Variants in DMD observed in about 807,000 individuals in gnomAD.
The protein encoded by DMD is dystrophin, also known as mutant dystrophin.
Under a neutral mutation model 330.1 loss-of-function variants are expected in DMD, and 63 were observed. The ratio of observed to expected loss-of-function variants is 0.19; its 90% CI spans 0.16 to 0.24. The LOEUF is 0.24. DMD is among the 10% of genes least tolerant of loss of function. The probability of loss-of-function intolerance (pLI) is 1.00; values close to 1 mark genes in which losing one functional copy is unlikely to be tolerated. For synonymous variants in DMD, 1,223 were observed against 959.8 expected (o/e 1.27, Z -5.07); for missense variants, 3,344 against 2,684.1 (o/e 1.25, Z -5.43).
At chrX:31,545,178 C>G (rs776930143) in intron 55 of DMD, among the ~76,000 whole-genome samples, 1 of 112,076 alleles carries the variant, frequency 8.9e-6, no homozygotes, top group East Asian at 2.8e-4. Flanking sequence ...AAGTGATGGT[C>G]ACATCTTGCT....
intron 47 of DMD, among the ~76,000 whole-genome samples, chrX:31,913,621 A>G (rs920914634): frequency 2.7e-5 from 3 of 111,600 alleles, no homozygotes; most frequent in Admixed American, 9.5e-5. Flanking sequence ...ATTAGCAGAG[A>G]TAGTGGCCTC....
Position 32,697,019 on chromosome X carries a change from G to A in DMD, c.960+851C>T, listed in dbSNP as rs1235292463. Among the ~76,000 whole-genome samples, 4 of 111,724 alleles carry A rather than the reference G, an allele frequency of 3.6e-5. No homozygotes were observed. The Admixed American group carries it at 3.8e-4, about 11-fold the overall frequency. ...AATGTACACATTTTTTAGCCGATAG[G>A]ATCAGGTCTATCATTTTTAAACTCC... On this transcript the variant is annotated intron_variant, in intron 9 of 78. Transcript: ENST00000357033.
intron 60 of DMD, among the ~76,000 whole-genome samples, chrX:31,371,927 G>A (rs952594424): frequency 1.8e-5 from 2 of 112,124 alleles, no homozygotes; most frequent in African/African-American, 3.2e-5. Flanking sequence ...CACTTAACTC[G>A]CTAAGTTTCT....
intron 60 of DMD, among the ~76,000 whole-genome samples, chrX:31,438,189 CAG>C (rs1386854634): frequency 9.0e-6 from 1 of 111,616 alleles, no homozygotes; most frequent in Non-Finnish European, 1.9e-5. Context: ...TCCTCCAACA[CAG>C]AGTTTTTGGG....
chrX:32,908,466 C>T (rs1308219475), intron 2 of DMD, among the ~76,000 whole-genome samples: 6 of 112,013 alleles, frequency 5.4e-5, no homozygotes, highest in South Asian at 3.7e-4. Flanking sequence ...AACATTTGAA[C>T]GTAAAACGGA....
chrX:31,751,080 T>C (rs1442513416), intron 51 of DMD, among the ~76,000 whole-genome samples: 1 of 107,291 alleles, frequency 9.3e-6, no homozygotes, highest in East Asian at 3.0e-4. Flanking sequence ...CCCAAGGTAA[T>C]TTACAGATTC....
intron 44 of DMD, among the ~76,000 whole-genome samples, chrX:32,210,202 G>A (rs2097088420): frequency 8.9e-6 from 1 of 112,073 alleles, no homozygotes; most frequent in Non-Finnish European, 1.9e-5. Context: ...TAACCTTAAA[G>A]TAAGTGACTA....
intron 45 of DMD, among the ~76,000 whole-genome samples, chrX:31,936,093 T>A (rs1290141310): frequency 9.0e-6 from 1 of 111,322 alleles, no homozygotes; most frequent in Non-Finnish European, 1.9e-5. Flanking sequence ...AAAACTTGAT[T>A]TTTTAAGATC....
chrX:31,144,822 T>A (rs1261557500), intron 76 of DMD, among the ~76,000 whole-genome samples: 1 of 111,353 alleles, frequency 9.0e-6, no homozygotes, highest in African/African-American at 3.3e-5. Context: ...GGGGACCAAG[T>A]ATTTGTGGCC....
intron 1 of DMD, among the ~76,000 whole-genome samples, chrX:33,209,765 A>T (rs1423059242): frequency 9.0e-6 from 1 of 111,224 alleles, no homozygotes; most frequent in Non-Finnish European, 1.9e-5. Flanking sequence ...TCCCAAAAAG[A>T]TTACCTTTCT....
intron 1 of DMD, among the ~76,000 whole-genome samples, chrX:33,052,983 A>G (rs1409558951): frequency 8.9e-6 from 1 of 112,000 alleles, no homozygotes; most frequent in African/African-American, 3.2e-5. Flanking sequence ...AGTTAGTACT[A>G]AGTTATACAA....
At chrX:31,485,801 T>C (rs1489066192) in intron 57 of DMD, among the ~76,000 whole-genome samples, 1 of 112,306 alleles carries the variant, frequency 8.9e-6, no homozygotes, top group East Asian at 2.8e-4. Flanking sequence ...TGGCGCTGAA[T>C]TTTACCTGTA....
chrX:32,998,646 T>TAC (rs1286982528), intron 2 of DMD, among the ~76,000 whole-genome samples: 1 of 77,967 alleles, frequency 1.3e-5, no homozygotes, highest in Non-Finnish European at 2.8e-5. Context: ...TATATATGTT[T>TAC]ATATACACAC....
chrX:32,722,994 G>T (rs1276719252), intron 7 of DMD, among the ~76,000 whole-genome samples: 6 of 110,670 alleles, frequency 5.4e-5, no homozygotes, highest in Non-Finnish European at 1.1e-4. Flanking sequence ...GGGCATCCTT[G>T]CTTTTTAGCA....
chrX:32,042,142 C>T (rs12846290), intron 44 of DMD, among the ~76,000 whole-genome samples: 1 of 81,672 alleles, frequency 1.2e-5, no homozygotes, highest in Non-Finnish European at 2.4e-5. Flanking sequence ...TATATACATA[C>T]ATATATACAT....
chrX:33,045,904 G>T (rs767126980), intron 1 of DMD, among the ~76,000 whole-genome samples: 41 of 111,466 alleles, frequency 3.7e-4, no homozygotes, highest in African/African-American at 1.1e-3. Context: ...GGAGGAGCAA[G>T]CTGGCAGTCT....
Position 32,448,607 on chromosome X carries a change from G to A in DMD, c.3635C>T (p.Ala1212Val), listed in dbSNP as rs142171890. Residue 1212 changes from alanine (A) to valine (V), a missense_variant, in exon 27 of 79, where the codon GCG becomes GTG. Transcript: ENST00000357033. The part of the protein sequence containing the change: ...RAKEEAQQKE[A>V]KVKLLTESVN... ...AGACTCAGTAAGGAGTTTCACTTTC[G>A]CTTCTTTTTGTTGGGCCTCTTCTTT... 40 of 1,205,398 alleles carry A rather than the reference G, an allele frequency of 3.3e-5. No individual in the cohort carries two copies. The highest frequency in any genetic ancestry group is 4.7e-4 in the Middle Eastern group (2 of 4,300).
intron 2 of DMD, among the ~76,000 whole-genome samples, chrX:32,882,137 C>T (rs1434883749): frequency 2.7e-5 from 3 of 111,880 alleles, no homozygotes; most frequent in African/African-American, 6.5e-5. Context: ...GGCAGAGGTC[C>T]GGGCCTCAGT....
chrX:33,278,808 T>C (rs1423454840), intron 1 of DMD, among the ~76,000 whole-genome samples: 1 of 111,173 alleles, frequency 9.0e-6, no homozygotes, highest in African/African-American at 3.3e-5. Flanking sequence ...AACAGTAAAG[T>C]AAAAAAGGAC....
Sources: gnomAD v4.1 joint callset for allele counts (sites outside exome capture counted in the v4.1 genomes callset) on GRCh38, gnomAD v4.1.1 for gene constraint, MANE v1.5 for transcripts, NCBI Gene and HGNC (gene_info 2026-07-23, HGNC 2026-07-21) for gene names.